The following HEATR5A variants were observed in gnomAD, a reference collection of about 807,000 sequenced individuals.
HEATR5A encodes the protein HEAT repeat containing 5A.
HEATR5A carries 178 observed loss-of-function variants against 218.8 expected under a neutral mutation model. The observed-to-expected ratio is 0.81, with a 90% CI of 0.72 to 0.92. The LOEUF is 0.92. HEATR5A is among the 40% of genes least tolerant of loss of function. HEATR5A has a pLI of 0.00. For synonymous variants in HEATR5A, 864 were observed against 871.6 expected, an observed-to-expected ratio of 0.99 and a Z score of 0.15; for missense variants, 2,420 against 2,418.9, an observed-to-expected ratio of 1.00 and a Z score of -0.01.
intron 25 of HEATR5A, among the ~76,000 whole-genome samples, chr14:31,319,078 G>A (rs80167146): frequency 2.0e-5 from 3 of 152,152 alleles, no homozygotes; most frequent in Admixed American, 6.6e-5. Context: ...ACTTGCGATT[G>A]TAAGAGGGCT....
At chr14:31,360,973 A>C (rs1169284000) in intron 14 of HEATR5A, among the ~76,000 whole-genome samples, 13 of 152,168 alleles carry the variant, frequency 8.5e-5, no homozygotes, top group Non-Finnish European at 1.6e-4. Context: ...CTGAATACTT[A>C]ATACGTGTTG....
chr14:31,326,069 T>TA (rs1388901331), intron 23 of HEATR5A, 94 bp downstream of exon 23: 2 of 883,548 alleles, frequency 2.3e-6, no homozygotes, highest in Admixed American at 4.0e-5. Flanking sequence ...TCCAGCTAGT[T>TA]AGACAAGACT....
At position 31,347,748 on chromosome 14, in the gene HEATR5A, C is replaced by A; in HGVS notation, c.2868G>T (p.Gln956His). The change falls in exon 19 of 36, where the codon CAG becomes CAT. Residue 956 changes from glutamine (Q) to histidine (H), a missense_variant and splice_region_variant. Coordinates refer to ENST00000543095, the MANE Select transcript of HEATR5A (RefSeq NM_015473.4). ...GGGAAGTATCACATGAGGTACCCAC[C>A]TGCACATCAGGAGAAGTGCTGTCCT... The part of the protein sequence containing the change: ...LAQDSTSPDV[Q>H]TWALHSLSLI... 6.3e-7 allele frequency: 1 copy of A among 1,587,266 alleles called. No homozygotes were observed. Among genetic ancestry groups the A allele is most frequent in the Non-Finnish European group, 8.6e-7 (1 of 1,169,586 alleles).
chr14:31,373,407 T>C (rs1023410248), intron 12 of HEATR5A, among the ~76,000 whole-genome samples: 2 of 151,686 alleles, frequency 1.3e-5, no homozygotes, highest in Non-Finnish European at 2.9e-5. Flanking sequence ...CAACTCACTA[T>C]AACCTCTGCC....
At chr14:31,419,012 C>T (rs897679973) in intron 1 of HEATR5A, among the ~76,000 whole-genome samples, 7 of 152,010 alleles carry the variant, frequency 4.6e-5, no homozygotes, top group African/African-American at 1.4e-4. Context: ...TAAAAAGGTA[C>T]TTTGGAGTCA....
intron 6 of HEATR5A, among the ~76,000 whole-genome samples, chr14:31,391,556 T>C (rs1342226270): frequency 1.3e-5 from 2 of 151,300 alleles, no homozygotes; most frequent in African/African-American, 4.9e-5. Flanking sequence ...AAAATACACA[T>C]TTTTTAAATT....
chr14:31,395,144 C>G (rs2030607098), intron 5 of HEATR5A, 55 bp downstream of exon 5: 1 of 1,189,342 alleles, frequency 8.4e-7, no homozygotes, highest in Non-Finnish European at 1.1e-6. Context: ...CACAAAGAAG[C>G]TGATTTACTT....
chr14:31,385,088 T>G (rs2030160272), intron 9 of HEATR5A, among the ~76,000 whole-genome samples: 1 of 152,150 alleles, frequency 6.6e-6, no homozygotes, highest in Non-Finnish European at 1.5e-5. Context: ...TAATGTAAAG[T>G]TTCTCAGCAA....
chr14:31,379,737 T>G (rs1027909139), intron 11 of HEATR5A, among the ~76,000 whole-genome samples: 2 of 152,168 alleles, frequency 1.3e-5, no homozygotes, highest in Non-Finnish European at 2.9e-5. Flanking sequence ...AAGGACTGCT[T>G]GAGCCCACAA....
intron 28 of HEATR5A, among the ~76,000 whole-genome samples, chr14:31,310,275 C>A (rs926116332): frequency 6.6e-6 from 1 of 151,470 alleles, no homozygotes; most frequent in Non-Finnish European, 1.5e-5. Context: ...GCTCAAGTGA[C>A]CCTCCCACCT....
chr14:31,330,010 C>T (rs10130574), intron 22 of HEATR5A, among the ~76,000 whole-genome samples: 17,933 of 152,290 alleles, frequency 0.12, 1,391 homozygotes, highest in Admixed American at 0.21. Context: ...CATGCCCGGC[C>T]TTGACAGTGG....
chr14:31,325,526 A>G (rs908283642), intron 23 of HEATR5A, among the ~76,000 whole-genome samples: 3 of 151,888 alleles, frequency 2.0e-5, no homozygotes, highest in Admixed American at 2.0e-4. Context: ...GTATGTATGT[A>G]GAGACAGGGT....
chr14:31,395,177 T>G (rs568198758), intron 5 of HEATR5A, 22 bp downstream of exon 5: 2 of 1,432,846 alleles, frequency 1.4e-6, no homozygotes, highest in East Asian at 2.5e-5. Context: ...ATTTTTAAAG[T>G]CTGCTTATTA....
At chr14:31,318,359 A>G (rs1394507485) in intron 25 of HEATR5A, 67 bp from the exon 26 acceptor site, 1 of 1,245,454 alleles carries the variant, frequency 8.0e-7, no homozygotes, top group Non-Finnish European at 1.2e-6. Context: ...CCCTCTTTTT[A>G]ATGTTATTTT....
In HEATR5A at chr14:31,333,877, C is replaced by CAA. The variant is rs35604069; in HGVS notation, c.3367+3597_3367+3598dup. On this transcript the variant is annotated intron_variant, in intron 22 of 35. Coordinates refer to ENST00000543095, the MANE Select transcript of HEATR5A (RefSeq NM_015473.4). The stretch of plus-strand genomic sequence containing the variant: ...TGAGACCCCATCTCTACAAAAAATA[C>CAA]AAAAAAAAAAATTTAGCTGGGTGTG... 3.6e-4 allele frequency among the ~76,000 whole-genome samples: 53 copies of CAA among 146,376 alleles called. No homozygotes were observed. In the South Asian group the frequency reaches 7.6e-3, roughly 21 times the overall value.
At position 31,293,368 on chromosome 14, in the gene HEATR5A, T is replaced by C. The variant is rs779954653; in HGVS notation, c.6078A>G (p.Thr2026=). 91 of 1,613,720 alleles carry C rather than the reference T, an allele frequency of 5.6e-5. No individual in the cohort carries two copies. Among genetic ancestry groups the C allele is most frequent in the Non-Finnish European group, 7.2e-5 (85 of 1,179,818 alleles). Residue 2026 remains threonine, a synonymous_variant, in exon 36 of 36, where the codon ACA becomes ACG. Transcript: ENST00000543095. ...TTCCAGGACTCTTAGTATATTTAGA[T>C]GTTGGTATCTTGACTTTGACACTTT... is the stretch of plus-strand genomic sequence containing the variant. ...NQESVKVKIP[T]SKYTKSPGKN...
intron 29 of HEATR5A, among the ~76,000 whole-genome samples, chr14:31,308,336 C>T (rs922094949): frequency 5.3e-5 from 8 of 151,770 alleles, no homozygotes; most frequent in African/African-American, 1.5e-4. Flanking sequence ...GGAGAAACCC[C>T]GTCTCGACTA....
intron 3 of HEATR5A, 137 bp downstream of exon 3, chr14:31,400,164 T>A (rs2030818476): frequency 1.8e-6 from 1 of 558,450 alleles, no homozygotes; most frequent in East Asian, 2.9e-5. Context: ...AGTTTCTTTT[T>A]TAAGTTAGAT....
chr14:31,328,314 T>C (rs561696109), intron 22 of HEATR5A, among the ~76,000 whole-genome samples: 130 of 152,202 alleles, frequency 8.5e-4, no homozygotes, highest in African/African-American at 3.0e-3. Context: ...TTTTAAATAT[T>C]AGAAGGAGGT....
Sources: gnomAD v4.1 joint callset for allele counts (sites outside exome capture counted in the v4.1 genomes callset) on GRCh38, gnomAD v4.1.1 for gene constraint, MANE v1.5 for transcripts, NCBI Gene and HGNC (gene_info 2026-07-23, HGNC 2026-07-21) for gene names.